Variants in CAST observed in about 807,000 individuals in gnomAD.
The protein encoded by CAST is MIR583 host.
A neutral mutation model predicts 119.6 loss-of-function variants in CAST; 76 were observed. The observed-to-expected ratio is 0.64, with a 90% CI of 0.53 to 0.77. The LOEUF is 0.77. Ranked by LOEUF, CAST falls within the 30% of genes least tolerant of loss-of-function variation. The probability of loss-of-function intolerance (pLI) is 0.00; values close to 1 mark genes in which losing one functional copy is unlikely to be tolerated. For missense variants in CAST, 953 were observed against 946.5 expected (o/e 1.01, Z -0.09); for synonymous variants, 319 against 331.6 (o/e 0.96, Z 0.41).
In CAST at chr5:96,773,801, T is replaced by C. The variant is rs1049707156; in HGVS notation, c.*1185T>C. 7.2e-5 allele frequency: 11 copies of C among 152,314 alleles called. No individual in the cohort carries two copies. The highest frequency in any genetic ancestry group is 1.5e-4 in the Non-Finnish European group (10 of 68,028). The allele number at this position is 152,314 out of a possible 1,614,324, so 9.4% of individuals were successfully genotyped here. A position where few individuals can be genotyped will look rare whatever the true frequency, so the allele number is the denominator to read the frequency against. ...AGAGAATGCAGGAAAAGATGTCAGGTACATAACATAAAACAGATTGGGAAT... is the reference window on the plus strand; with the variant it reads ...AGAGAATGCAGGAAAAGATGTCAGGCACATAACATAAAACAGATTGGGAAT... On this transcript the variant is annotated 3_prime_UTR_variant, in exon 32 of 32. Coordinates refer to ENST00000675179, the MANE Select transcript of CAST (RefSeq NM_001750.7).
At chr5:96,232,706 TA>T in the CAST span, among the ~76,000 whole-genome samples, 2 of 152,088 alleles carry the variant, frequency 1.3e-5, no homozygotes, top group East Asian at 3.8e-4. Flanking sequence ...AGGTTCCTAT[TA>T]AAAATCTCAC....
chr5:96,521,351 C>T (rs1362567572), upstream of CAST, among the ~76,000 whole-genome samples: 1 of 152,200 alleles, frequency 6.6e-6, no homozygotes, highest in Non-Finnish European at 1.5e-5. Context: ...GTCCTTCTGG[C>T]CTCACCTTAC....
At chr5:96,462,531 C>T in the CAST span, among the ~76,000 whole-genome samples, 71 of 152,148 alleles carry the variant, frequency 4.7e-4, no homozygotes, top group African/African-American at 1.3e-3. Flanking sequence ...CTTAAATTGA[C>T]GGCATACAGT....
chr5:96,410,797 C>A, the CAST span: 4 of 1,613,972 alleles, frequency 2.5e-6, no homozygotes, highest in Non-Finnish European at 3.4e-6. Flanking sequence ...GTGTAATCTC[C>A]GCTGCTGTAA....
chr5:96,101,100 A>G, the CAST span, among the ~76,000 whole-genome samples: 1 of 152,106 alleles, frequency 6.6e-6, no homozygotes, highest in Non-Finnish European at 1.5e-5. Flanking sequence ...TTGTAGAGAC[A>G]GAGTCTTGCT....
chr5:96,734,521 T>G (rs1405337316), intron 9 of CAST, among the ~76,000 whole-genome samples: 2 of 152,188 alleles, frequency 1.3e-5, no homozygotes, highest in East Asian at 1.9e-4. Flanking sequence ...AGCAAAAATC[T>G]TCAGGTTTTA....
chr5:96,708,884 T>C (rs1755546593), intron 3 of CAST, among the ~76,000 whole-genome samples: 1 of 152,246 alleles, frequency 6.6e-6, no homozygotes, highest in African/African-American at 2.4e-5. Context: ...CCTATATTTG[T>C]AACAATGACT....
At chr5:96,641,114 A>G (rs1580855895) in intron 1 of CAST, among the ~76,000 whole-genome samples, 2 of 152,246 alleles carry the variant, frequency 1.3e-5, no homozygotes, top group East Asian at 3.8e-4. Flanking sequence ...GTTTGCCTTT[A>G]AAGGGGTCAC....
chr5:96,076,662 G>T, the CAST span, among the ~76,000 whole-genome samples: 1 of 152,130 alleles, frequency 6.6e-6, no homozygotes, highest in Non-Finnish European at 1.5e-5. Flanking sequence ...CATTTGCCAC[G>T]TCATAAGAAT....
the CAST span, among the ~76,000 whole-genome samples, chr5:96,406,502 G>T: frequency 3.3e-5 from 5 of 152,206 alleles, no homozygotes; most frequent in East Asian, 9.6e-4. Context: ...CAAGTAGGTG[G>T]ACTCTTGGTA....
At chr5:96,765,933 A>G in intron 26 of CAST, 120 bp from the exon 27 acceptor site, 1 of 630,350 alleles carries the variant, frequency 1.6e-6, no homozygotes, top group South Asian at 2.1e-5. Flanking sequence ...AAAAAATAAA[A>G]ACAGACCATA....
At chr5:96,592,947 A>T (rs182495330) in intron 1 of CAST, among the ~76,000 whole-genome samples, 18 of 152,136 alleles carry the variant, frequency 1.2e-4, no homozygotes, top group African/African-American at 4.1e-4. Context: ...TTGTATTTTT[A>T]GTAGAGACAG....
intron 24 of CAST, 35 bp downstream of exon 24, chr5:96,757,689 T>TG (rs1452648109): frequency 2.4e-6 from 3 of 1,227,234 alleles, no homozygotes; most frequent in Non-Finnish European, 3.4e-6. Context: ...TTTCTTTAGT[T>TG]TTTTTTTTTT....
intron 2 of CAST, among the ~76,000 whole-genome samples, chr5:96,686,933 C>A (rs2150281525): frequency 6.6e-6 from 1 of 152,252 alleles, no homozygotes; most frequent in East Asian, 1.9e-4. Flanking sequence ...GACTCCATAG[C>A]CAACCTTAAT....
At chr5:96,623,456 A>C (rs897246488) in intron 1 of CAST, among the ~76,000 whole-genome samples, 11 of 152,142 alleles carry the variant, frequency 7.2e-5, no homozygotes, top group African/African-American at 2.7e-4. Flanking sequence ...CTTTACATTC[A>C]TATTCTTATT....
intron 1 of CAST, among the ~76,000 whole-genome samples, chr5:96,533,876 C>T (rs1230007909): frequency 6.6e-6 from 1 of 152,142 alleles, no homozygotes. Context: ...GAATTAGATA[C>T]TTTGGCCATC....
At chr5:96,591,152 AAGAAG>A (rs1331581489) in intron 1 of CAST, among the ~76,000 whole-genome samples, 2 of 152,352 alleles carry the variant, frequency 1.3e-5, no homozygotes, top group East Asian at 1.9e-4. Flanking sequence ...AGAACAGCAA[AAGAAG>A]AGAAGAGAAG....
chr5:96,594,267 A>G (rs1052346788), intron 1 of CAST, among the ~76,000 whole-genome samples: 3 of 152,228 alleles, frequency 2.0e-5, no homozygotes, highest in African/African-American at 4.8e-5. Context: ...AGAAAATCAT[A>G]TAGAAGAAAG....
At chr5:96,696,958 C>G (rs1753370772) in intron 3 of CAST, among the ~76,000 whole-genome samples, 1 of 152,030 alleles carries the variant, frequency 6.6e-6, no homozygotes, top group African/African-American at 2.4e-5. Context: ...GTCAGAAGTT[C>G]AAGACCAGCC....
Sources: allele counts gnomAD v4.1 joint callset (sites outside exome capture counted in the v4.1 genomes callset), GRCh38; gene constraint gnomAD v4.1.1; transcripts MANE v1.5; gene names NCBI Gene and HGNC (gene_info 2026-07-23, HGNC 2026-07-21).